ECM2: variants seen among roughly 807,000 people sequenced by gnomAD.
ECM2 encodes extracellular matrix protein 2.
In ECM2, 57 loss-of-function variants were observed where a neutral mutation model predicts 67.5. The observed-to-expected ratio is 0.84, with a 90% CI of 0.68 to 1.05. ECM2 has a LOEUF of 1.05. ECM2 is among the 50% of genes least tolerant of loss of function. The pLI is 0.00. For synonymous variants in ECM2, 258 were observed against 294.5 expected, an observed-to-expected ratio of 0.88 and a Z score of 1.27; for missense variants, 741 against 822.8, an observed-to-expected ratio of 0.90 and a Z score of 1.22.
rs535633990 is a variant in ECM2 at position 92,509,984 on chromosome 9, C to A, written c.1221G>T (p.Gln407His). The A allele has an allele frequency of 4.3e-6, 7 of 1,610,352 alleles. No homozygotes were observed. In the Admixed American group the frequency reaches 1.2e-4, roughly 28 times the overall value. ...ATGTAGATGGCAATTGTGAAGGAAT[C>A]TGTATCAAATTATTTCCATCCATAT... ...RLNMDGNNLI[Q>H]IPSQLPSTLE... The change falls in exon 6 of 10, where the codon CAG (glutamine) becomes CAT (histidine). Residue 407 changes from glutamine to histidine, a missense_variant. Coordinates refer to ENST00000344604, the MANE Select transcript of ECM2 (RefSeq NM_001393.4).
At chr9:92,501,419 G>A (rs879442991) in intron 8 of ECM2, among the ~76,000 whole-genome samples, 7 of 152,200 alleles carry the variant, frequency 4.6e-5, no homozygotes, top group Non-Finnish European at 8.8e-5. Flanking sequence ...GCATCTAAAT[G>A]CCTATCTGTA....
At chr9:92,515,890 G>T (rs1847672713) in intron 3 of ECM2, among the ~76,000 whole-genome samples, 1 of 152,146 alleles carries the variant, frequency 6.6e-6, no homozygotes, top group Non-Finnish European at 1.5e-5. Context: ...GCCCAGGAGT[G>T]CTGTTTATCC....
intron 1 of ECM2, among the ~76,000 whole-genome samples, chr9:92,533,348 T>A (rs1231144515): frequency 3.0e-4 from 37 of 123,740 alleles, no homozygotes; most frequent in Non-Finnish European, 4.7e-4. Flanking sequence ...TATATATATA[T>A]ATATATATAT....
chr9:92,545,969 T>G, the ECM2 span, among the ~76,000 whole-genome samples: 1 of 152,004 alleles, frequency 6.6e-6, no homozygotes, highest in Non-Finnish European at 1.5e-5. Flanking sequence ...GCTCAGGGTT[T>G]GTAAATGCAC....
rs1296044395 is a variant in ECM2 at position 92,505,523 on chromosome 9, A to G, written c.1464+10T>C. ...AATACATTTAAAACACTAAAAAAAT[A>G]TATTGTTACCTCAATAGAACCAGGA... On this transcript the variant is annotated intron_variant, in intron 7 of 9. Coordinates refer to ENST00000344604, the MANE Select transcript of ECM2 (RefSeq NM_001393.4). 1.9e-6 allele frequency: 3 copies of G among 1,577,898 alleles called. No homozygotes were observed. Among genetic ancestry groups the G allele is most frequent in the African/African-American group, 2.8e-5 (2 of 72,608 alleles).
intron 1 of ECM2, among the ~76,000 whole-genome samples, chr9:92,533,316 AAAAAAAAAAAAAAT>A (rs1563991286): frequency 2.1e-5 from 2 of 97,176 alleles, no homozygotes; most frequent in Non-Finnish European, 3.9e-5. Flanking sequence ...AAAAAAAAAA[AAAAAAAAAAAAAAT>A]ATATATATAT....
At chr9:92,513,793 G>A (rs1352222045) in intron 4 of ECM2, among the ~76,000 whole-genome samples, 1 of 152,180 alleles carries the variant, frequency 6.6e-6, no homozygotes, top group African/African-American at 2.4e-5. Flanking sequence ...GGGGAAACAA[G>A]GAATTTTGGG....
At chr9:92,494,273 G>T, downstream of ECM2, 2 of 840,036 alleles carry the variant, frequency 2.4e-6, no homozygotes, top group Non-Finnish European at 1.8e-6. Flanking sequence ...TACTAATTTT[G>T]TTTACAGCTT....
chr9:92,528,864 G>C (rs1588237759), intron 1 of ECM2, among the ~76,000 whole-genome samples: 1 of 152,322 alleles, frequency 6.6e-6, no homozygotes, highest in Admixed American at 6.5e-5. Flanking sequence ...AACAGGAAAA[G>C]TTGACCCATA....
At chr9:92,506,853 G>T (rs1365033099) in intron 6 of ECM2, among the ~76,000 whole-genome samples, 2 of 152,090 alleles carry the variant, frequency 1.3e-5, no homozygotes, top group African/African-American at 4.8e-5. Flanking sequence ...GTGGAGTGAA[G>T]GTTGGTGCTC....
At position 92,496,104 on chromosome 9, in the gene ECM2, T is replaced by G; in HGVS notation, c.*211A>C. On this transcript the variant is annotated 3_prime_UTR_variant, in exon 10 of 10. Coordinates refer to ENST00000344604, the MANE Select transcript of ECM2 (RefSeq NM_001393.4). ...TGGCCTCTTTCTAGAGGTAGGAAAC[T>G]GAGAGATTTTACCTTTACTATTAAT... 2.5e-6 allele frequency: 3 copies of G among 1,185,978 alleles called. No homozygotes were observed. The highest frequency in any genetic ancestry group is 3.1e-6 in the Non-Finnish European group (3 of 959,674). 73.5% of individuals were successfully genotyped at this position (1,185,978 alleles called of 1,614,324 possible).
At chr9:92,501,629 A>T (rs1486500634) in intron 8 of ECM2, among the ~76,000 whole-genome samples, 1 of 152,074 alleles carries the variant, frequency 6.6e-6, no homozygotes, top group East Asian at 1.9e-4. Context: ...TGTTTCAGGA[A>T]CCCCACCTGA....
In ECM2 at chr9:92,525,858, A is replaced by AC. The variant is rs1251889705; in HGVS notation, c.-27-2966dup. On this transcript the variant is annotated intron_variant, in intron 1 of 9. Coordinates refer to ENST00000344604, the MANE Select transcript of ECM2 (RefSeq NM_001393.4). ...TGAGTAGCTAGGACTACAGGTATGC[A>AC]CCACCATGCCCAGAGTGCAGAGAGA... Among the ~76,000 whole-genome samples the AC allele has an allele frequency of 2.1e-5, 3 of 146,130 alleles. No homozygotes were observed. In the East Asian group the frequency reaches 6.0e-4, roughly 29 times the overall value.
At chr9:92,516,072 T>TCC (rs76297691) in intron 3 of ECM2, among the ~76,000 whole-genome samples, 37 of 139,778 alleles carry the variant, frequency 2.6e-4, no homozygotes, top group Middle Eastern at 3.9e-3. Flanking sequence ...TACTTTTTTT[T>TCC]CCCCCCCCCG....
intron 1 of ECM2, among the ~76,000 whole-genome samples, chr9:92,531,854 G>A (rs769600345): frequency 2.0e-5 from 3 of 151,974 alleles, no homozygotes; most frequent in Non-Finnish European, 2.9e-5. Context: ...CTGAAAGGAT[G>A]TATTTGTTAG....
chr9:92,528,572 C>A (rs1441162379), intron 1 of ECM2, among the ~76,000 whole-genome samples: 1 of 152,124 alleles, frequency 6.6e-6, no homozygotes. Flanking sequence ...ACAAAAAAAA[C>A]AGGTCTCTGG....
chr9:92,496,186 G>A lies in ECM2; in HGVS notation c.*129C>T, dbSNP rs1846336342. 3 of 1,396,802 alleles carry A rather than the reference G, an allele frequency of 2.1e-6. No individual in the cohort carries two copies. The highest frequency in any genetic ancestry group is 6.5e-5 in the Admixed American group (2 of 30,874). The allele number at this position is 1,396,802 out of a possible 1,614,324, so 86.5% of individuals were successfully genotyped here. A position where few individuals can be genotyped will look rare whatever the true frequency, so the allele number is the denominator to read the frequency against. On this transcript the variant is annotated 3_prime_UTR_variant, in exon 10 of 10. Transcript: ENST00000344604. Reference sequence around the variant, plus strand: ...ATTTTGGTTGTTCATCTGTGTGTTAGTGAATCAGGTTGACTAGCATATAAT... The same window carrying A: ...ATTTTGGTTGTTCATCTGTGTGTTAATGAATCAGGTTGACTAGCATATAAT...
upstream of ECM2, chr9:92,536,774 C>A (rs1849183397): frequency 6.6e-6 from 1 of 152,118 alleles, no homozygotes; most frequent in Non-Finnish European, 1.5e-5. Flanking sequence ...AGGGTGATAC[C>A]TTTCAAATTT....
chr9:92,512,261 A>G (rs1167117289), intron 4 of ECM2, 135 bp from the exon 5 acceptor site: 1 of 486,326 alleles, frequency 2.1e-6, no homozygotes, highest in Non-Finnish European at 3.7e-6. Context: ...CAAGGACAGA[A>G]TATATATTAT....
Sources: allele counts gnomAD v4.1 joint callset (sites outside exome capture counted in the v4.1 genomes callset), GRCh38; gene constraint gnomAD v4.1.1; transcripts MANE v1.5; gene names NCBI Gene and HGNC (gene_info 2026-07-23, HGNC 2026-07-21).